NFIA: variants seen among roughly 807,000 people sequenced by gnomAD.
NFIA encodes the protein nuclear factor I A, also known as nuclear factor 1 A-type.
NFIA carries 8 observed loss-of-function variants against 62.8 expected under a neutral mutation model. That is an observed-to-expected ratio of 0.13 (90% CI 0.07 to 0.23). The LOEUF is 0.23. NFIA is among the 10% of genes least tolerant of loss of function. NFIA has a pLI of 1.00. For missense variants in NFIA, 410 were observed against 642.1 expected (o/e 0.64, Z 3.91); for synonymous variants, 235 against 238.1 (o/e 0.99, Z 0.12).
At chr1:61,414,750 A>G (rs2499532) in intron 9 of NFIA, among the ~76,000 whole-genome samples, 34,893 of 152,038 alleles carry the variant, frequency 0.23, 4,736 homozygotes, top group East Asian at 0.51. Context: ...ATGAAAAAAA[A>G]GGAGTTAGTG....
chr1:61,127,381 C>T (rs1301261941), intron 2 of NFIA, among the ~76,000 whole-genome samples: 4 of 151,250 alleles, frequency 2.6e-5, no homozygotes, highest in South Asian at 2.1e-4. Flanking sequence ...TGCTTGAACC[C>T]GGGAGGTGGA....
At chr1:61,355,674 G>A (rs539436436) in intron 5 of NFIA, among the ~76,000 whole-genome samples, 4 of 151,960 alleles carry the variant, frequency 2.6e-5, no homozygotes, top group African/African-American at 7.2e-5. Flanking sequence ...TCGAAGTCCC[G>A]AGCTCAAGCA....
intron 2 of NFIA, among the ~76,000 whole-genome samples, chr1:61,251,660 C>T (rs1033338462): frequency 6.6e-6 from 1 of 152,124 alleles, no homozygotes; most frequent in Admixed American, 6.5e-5. Flanking sequence ...TCATAAAATA[C>T]TGAAAAATTA....
intron 10 of NFIA, among the ~76,000 whole-genome samples, chr1:61,446,983 A>G (rs1447698043): frequency 6.6e-6 from 1 of 152,182 alleles, no homozygotes; most frequent in African/African-American, 2.4e-5. Context: ...GCCAACCCCA[A>G]GTGTTTCTGT....
intron 4 of NFIA, 75 bp from the exon 5 acceptor site, chr1:61,352,375 C>A: frequency 1.0e-6 from 1 of 998,326 alleles, no homozygotes; most frequent in Non-Finnish European, 1.6e-6. Flanking sequence ...GTGCTAAATG[C>A]AACACTGAGG....
chr1:61,251,629 A>G (rs753976244), intron 2 of NFIA, among the ~76,000 whole-genome samples: 1 of 152,188 alleles, frequency 6.6e-6, no homozygotes, highest in Non-Finnish European at 1.5e-5. Flanking sequence ...GTGAAAACTG[A>G]TAGTTACATA....
At chr1:61,079,144 A>G (rs774059269), upstream of NFIA, among the ~76,000 whole-genome samples, 1 of 152,228 alleles carries the variant, frequency 6.6e-6, no homozygotes, top group African/African-American at 2.4e-5. Flanking sequence ...TCAATTTAGG[A>G]TTATATGCAC....
At chr1:61,175,076 A>G (rs1473871370) in intron 2 of NFIA, among the ~76,000 whole-genome samples, 1 of 152,112 alleles carries the variant, frequency 6.6e-6, no homozygotes, top group Non-Finnish European at 1.5e-5. Context: ...GAATATTAAC[A>G]GGCCAGGCAC....
At chr1:61,142,015 A>G (rs762222994) in intron 2 of NFIA, among the ~76,000 whole-genome samples, 16 of 152,192 alleles carry the variant, frequency 1.1e-4, no homozygotes, top group Non-Finnish European at 1.6e-4. Context: ...CAAAGGTGCT[A>G]ATTGGTAAAC....
intron 2 of NFIA, among the ~76,000 whole-genome samples, chr1:61,103,422 C>T (rs1242204211): frequency 6.6e-6 from 1 of 152,180 alleles, no homozygotes; most frequent in Non-Finnish European, 1.5e-5. Context: ...GCTTCCCTGC[C>T]TGCCCACAGC....
chr1:61,276,912 A>C (rs1159390363), intron 2 of NFIA, among the ~76,000 whole-genome samples: 1 of 152,202 alleles, frequency 6.6e-6, no homozygotes, highest in Non-Finnish European at 1.5e-5. Context: ...TACAAGAAAA[A>C]AATAATTCTT....
chr1:61,378,505 TACAC>T (rs1168724506), intron 6 of NFIA, among the ~76,000 whole-genome samples: 1 of 152,218 alleles, frequency 6.6e-6, no homozygotes, highest in Non-Finnish European at 1.5e-5. Flanking sequence ...ACATCTTTAA[TACAC>T]ACATGTCTAG....
chr1:61,114,566 T>C (rs1646765068), intron 2 of NFIA, among the ~76,000 whole-genome samples: 1 of 152,230 alleles, frequency 6.6e-6, no homozygotes, highest in Middle Eastern at 3.2e-3. Context: ...TCTTATATTT[T>C]TTTAAAAGTT....
At chr1:61,261,757 A>C (rs1656786509) in intron 2 of NFIA, among the ~76,000 whole-genome samples, 2 of 152,236 alleles carry the variant, frequency 1.3e-5, no homozygotes, top group Admixed American at 1.3e-4. Flanking sequence ...TCTGCCTTCC[A>C]TGCAAAGGTT....
At chr1:61,138,132 G>A (rs1411887927) in intron 2 of NFIA, among the ~76,000 whole-genome samples, 1 of 151,772 alleles carries the variant, frequency 6.6e-6, no homozygotes, top group Non-Finnish European at 1.5e-5. Flanking sequence ...GTCTTTCTCT[G>A]TCACCCATGC....
intron 2 of NFIA, among the ~76,000 whole-genome samples, chr1:61,117,831 C>G (rs1023821030): frequency 6.6e-6 from 1 of 152,060 alleles, no homozygotes; most frequent in African/African-American, 2.4e-5. Flanking sequence ...TCTATAATCT[C>G]GTGATAAAAG....
chr1:61,170,669 C>G (rs563972045), intron 2 of NFIA, among the ~76,000 whole-genome samples: 1 of 152,252 alleles, frequency 6.6e-6, no homozygotes, highest in East Asian at 1.9e-4. Flanking sequence ...ACATTTTGAA[C>G]TTTCCTACAA....
intron 7 of NFIA, among the ~76,000 whole-genome samples, chr1:61,395,247 A>C (rs1003751737): frequency 1.5e-4 from 22 of 151,002 alleles, no homozygotes; most frequent in South Asian, 8.4e-4. Context: ...GTTTGTTATG[A>C]GATTTGCTTT....
At chr1:61,380,712 G>A (rs1434425831) in intron 6 of NFIA, among the ~76,000 whole-genome samples, 1 of 152,116 alleles carries the variant, frequency 6.6e-6, no homozygotes, top group Non-Finnish European at 1.5e-5. Flanking sequence ...AAGTAATTTT[G>A]AGATTCATGA....
Sources: gnomAD v4.1 joint callset for allele counts (sites outside exome capture counted in the v4.1 genomes callset) on GRCh38, gnomAD v4.1.1 for gene constraint, MANE v1.5 for transcripts, NCBI Gene and HGNC (gene_info 2026-07-23, HGNC 2026-07-21) for gene names.